Variants in C10orf53 observed in about 807,000 individuals in gnomAD.
C10orf53 encodes chromosome 10 open reading frame 53, also known as UPF0728 protein C10orf53.
Under a neutral mutation model 9.4 loss-of-function variants are expected in C10orf53, and 8 were observed. The ratio of observed to expected loss-of-function variants is 0.85; its 90% CI spans 0.50 to 1.53. The LOEUF is 1.53. C10orf53 is among the 40% of genes most tolerant of loss of function. The pLI, the probability that C10orf53 is intolerant of heterozygous loss-of-function variation, is 0.00. For missense variants in C10orf53, 117 were observed against 117.8 expected, an observed-to-expected ratio of 0.99 and a Z score of 0.03; for synonymous variants, 48 against 46.0, an observed-to-expected ratio of 1.04 and a Z score of -0.18.
intron 1 of C10orf53, among the ~76,000 whole-genome samples, chr10:49,687,434 G>A (rs1287581043): frequency 1.3e-5 from 2 of 152,146 alleles, no homozygotes; most frequent in African/African-American, 4.8e-5. Flanking sequence ...GGCACTTCTG[G>A]CAGGGAGATG....
downstream of C10orf53, among the ~76,000 whole-genome samples, chr10:49,699,176 T>G (rs1840660923): frequency 6.9e-6 from 1 of 145,330 alleles, no homozygotes; most frequent in South Asian, 2.3e-4. Flanking sequence ...AACTTTTTGT[T>G]TTGGTGGCTC....
intron 1 of C10orf53, among the ~76,000 whole-genome samples, chr10:49,687,967 C>T (rs1353898957): frequency 1.3e-5 from 2 of 152,198 alleles, no homozygotes; most frequent in Non-Finnish European, 2.9e-5. Flanking sequence ...AATATTAAGC[C>T]AGTGGCTGGA....
At chr10:49,709,943 ATCTGTGTGTGTGTGTGTGTGTGTGTGTG>A (rs1840751110) in exon 3 of C10orf53, 4 of 102,698 alleles carry the variant, frequency 3.9e-5, no homozygotes, top group African/African-American at 1.4e-4. Flanking sequence ...GGCACCCTAT[ATCTGTGTGTGTGTGTGTGTGTGTGTGTG>A]TCTGTGTGTG....
chr10:49,687,436 A>C (rs1208730817), intron 1 of C10orf53, among the ~76,000 whole-genome samples: 2 of 152,172 alleles, frequency 1.3e-5, no homozygotes, highest in Non-Finnish European at 2.9e-5. Context: ...CACTTCTGGC[A>C]GGGAGATGGC....
Position 49,679,724 on chromosome 10 carries a change from G to A in C10orf53, c.27G>A (p.Leu9=), listed in dbSNP as rs1840460222. The A allele has an allele frequency of 1.3e-6, 2 of 1,548,604 alleles. No homozygotes were observed. The highest frequency in any genetic ancestry group is 2.5e-5 in the East Asian group (1 of 40,716). Reference sequence around the variant, plus strand: ...TGCCCAAGAACGCAGTGGTCATCCTGCGCTATGGGCCCTACAGCGCGGCAG... The same window carrying A: ...TGCCCAAGAACGCAGTGGTCATCCTACGCTATGGGCCCTACAGCGCGGCAG... The part of the protein sequence containing the change: MPKNAVVI[L]RYGPYSAAGL... The change falls in exon 1 of 3, where the codon CTG becomes CTA. Residue 9 remains leucine, a synonymous_variant. Transcript: ENST00000374111.
intron 1 of C10orf53, among the ~76,000 whole-genome samples, chr10:49,686,001 A>G (rs963985619): frequency 8.5e-5 from 13 of 152,120 alleles, no homozygotes; most frequent in African/African-American, 3.1e-4. Context: ...ACAGGTCTCC[A>G]GGGCTGTTCA....
intron 1 of C10orf53, among the ~76,000 whole-genome samples, chr10:49,689,923 ATTTGTT>A (rs1411443452): frequency 1.2e-4 from 18 of 152,212 alleles, no homozygotes; most frequent in Non-Finnish European, 4.4e-5. Flanking sequence ...CAAAAAACAT[ATTTGTT>A]TTTACCATCA....
intron 1 of C10orf53, among the ~76,000 whole-genome samples, chr10:49,687,130 G>A (rs1383645603): frequency 1.3e-5 from 2 of 152,136 alleles, no homozygotes; most frequent in Non-Finnish European, 2.9e-5. Context: ...ACTGTTTCTG[G>A]GTTTTGTTTT....
downstream of C10orf53, among the ~76,000 whole-genome samples, chr10:49,701,106 C>T (rs1840679311): frequency 6.6e-6 from 1 of 152,032 alleles, no homozygotes; most frequent in Non-Finnish European, 1.5e-5. Context: ...TCTTTGGATA[C>T]AAAGCAATAC....
At chr10:49,697,667 T>C (rs1447524423), downstream of C10orf53, among the ~76,000 whole-genome samples, 3 of 152,166 alleles carry the variant, frequency 2.0e-5, no homozygotes, top group African/African-American at 7.2e-5. Flanking sequence ...TCCTCCTGCC[T>C]CAGCCTCCTG....
rs145249659 is a variant in C10orf53 at position 49,694,547 on chromosome 10, G to C, written c.227G>C (p.Gly76Ala). 4.8e-5 allele frequency: 77 copies of C among 1,614,196 alleles called. No homozygotes were observed. The highest frequency in any genetic ancestry group is 1.5e-4 in the Admixed American group (9 of 60,032). The change falls in exon 3 of 3, where the codon GGT becomes GCT. Residue 76 changes from glycine to alanine, a missense_variant. Transcript: ENST00000374111. ...ATATCTGTTTCCCTAGGAGGCGATG[G>C]TAAACTAGACCCACTGTGTGAAAAG... ...NIKDLEFGGD[G>A]KLDPLCEKAR...
At position 49,696,010 on chromosome 10, in the gene C10orf53, A is replaced by G. The variant is rs1840631090; in HGVS notation, c.*1408A>G. ...TCATTAAAGAAAAATGGAAAAATAC[A>G]GGTAAAAATAAAGTACAACTTTAGT... is the stretch of plus-strand genomic sequence containing the variant. On this transcript the variant is annotated 3_prime_UTR_variant, in exon 3 of 3. Transcript: ENST00000374111. 1.3e-5 allele frequency: 2 copies of G among 152,252 alleles called. No homozygotes were observed. The highest frequency in any genetic ancestry group is 2.9e-5 in the Non-Finnish European group (2 of 68,050). 9.4% of individuals were successfully genotyped at this position (152,252 alleles called of 1,614,324 possible). A position where few individuals can be genotyped will look rare whatever the true frequency, so the allele number is the denominator to read the frequency against.
rs1840632910 is a variant in C10orf53, at chr10:49,696,160, AT to A, written c.*1563del. 6.6e-6 allele frequency: 1 copy of A among 152,150 alleles called. No homozygotes were observed. The highest frequency in any genetic ancestry group is 2.1e-4 in the South Asian group (1 of 4,816). 9.4% of individuals were successfully genotyped at this position (152,150 alleles called of 1,614,324 possible). A position where few individuals can be genotyped will look rare whatever the true frequency, so the allele number is the denominator to read the frequency against. On this transcript the variant is annotated 3_prime_UTR_variant, in exon 3 of 3. Transcript: ENST00000374111. ...TGCACAATTTTGTAAGTTTTTAAAAATTTTTCAACTTTTATTTTAGATACAG... is the reference window on the plus strand; with the variant it reads ...TGCACAATTTTGTAAGTTTTTAAAAATTTTCAACTTTTATTTTAGATACAG...
intron 1 of C10orf53, among the ~76,000 whole-genome samples, chr10:49,692,565 C>A (rs544252541): frequency 6.6e-6 from 1 of 152,306 alleles, no homozygotes; most frequent in East Asian, 1.9e-4. Flanking sequence ...AAAGAATATG[C>A]CCCCGTCTGT....
intron 1 of C10orf53, among the ~76,000 whole-genome samples, chr10:49,686,489 T>C (rs752066408): frequency 6.6e-6 from 1 of 152,220 alleles, no homozygotes; most frequent in Non-Finnish European, 1.5e-5. Flanking sequence ...GCCGTATTTT[T>C]CTTCTTGCAG....
chr10:49,681,262 T>G (rs1203494513), intron 1 of C10orf53, among the ~76,000 whole-genome samples: 1 of 152,048 alleles, frequency 6.6e-6, no homozygotes, highest in African/African-American at 2.4e-5. Flanking sequence ...AAGATGTGAG[T>G]CATTGACTTG....
rs140174551 is a variant in C10orf53, at chr10:49,693,848, A to G, written c.172A>G (p.Asn58Asp). ...CTGGAATGTGGTGGAACTCATGGTG[A>G]ATGAAGAAGTCATCTTCCACTGCAA... ...EDWNVVELMV[N>D]EEVIFHCNIK... The change falls in exon 2 of 3, where the codon AAT becomes GAT. Residue 58 changes from asparagine (N) to aspartate (D), a missense_variant. By Grantham distance (23) the Asn-to-Asp change is conservative (BLOSUM62 1). Transcript: ENST00000374111. 4.3e-6 allele frequency: 7 copies of G among 1,614,130 alleles called. No individual in the cohort carries two copies. Among genetic ancestry groups the G allele is most frequent in the African/African-American group, 1.3e-5 (1 of 74,952 alleles).
intron 1 of C10orf53, among the ~76,000 whole-genome samples, chr10:49,680,240 A>C (rs990896088): frequency 6.6e-6 from 1 of 152,176 alleles, no homozygotes; most frequent in African/African-American, 2.4e-5. Context: ...ACAGTGATGA[A>C]TGTCCTTGAA....
exon 3 of C10orf53, chr10:49,708,727 TC>T: frequency 6.8e-7 from 1 of 1,473,822 alleles, no homozygotes; most frequent in Non-Finnish European, 9.1e-7. Context: ...ACAAAAATTG[TC>T]CCACATCTCC....
Sources: allele counts gnomAD v4.1 joint callset (sites outside exome capture counted in the v4.1 genomes callset), GRCh38; gene constraint gnomAD v4.1.1; transcripts MANE v1.5; gene names NCBI Gene and HGNC (gene_info 2026-07-23, HGNC 2026-07-21).